Variants in ZNF704 observed in about 807,000 individuals in gnomAD.
ZNF704 encodes glucocorticoid induced gene 1.
Under a neutral mutation model 44.7 loss-of-function variants are expected in ZNF704, and 10 were observed. The observed-to-expected ratio is 0.22, with a 90% CI of 0.14 to 0.38. The LOEUF is 0.38. Ranked by LOEUF, ZNF704 falls within the 10% of genes least tolerant of loss-of-function variation. ZNF704 has a pLI of 1.00. For synonymous variants in ZNF704, 211 were observed against 207.6 expected (o/e 1.02, Z -0.14); for missense variants, 390 against 545.5 (o/e 0.71, Z 2.84).
In ZNF704 at chr8:80,659,790, A is replaced by C. The variant is rs1002424994; in HGVS notation, c.928-101T>G. Reference sequence around the variant, plus strand: ...GAGGACCTCAGAAATGGTCTCAGCTATATTAATAACTTGGACTAATTATCT... The same window carrying C: ...GAGGACCTCAGAAATGGTCTCAGCTCTATTAATAACTTGGACTAATTATCT... On this transcript the variant is annotated intron_variant, in intron 6 of 8. Coordinates refer to ENST00000327835, the MANE Select transcript of ZNF704 (RefSeq NM_001033723.3). 3.8e-4 allele frequency: 383 copies of C among 997,948 alleles called. 1 individual carries two copies. Among genetic ancestry groups the C allele is most frequent in the Non-Finnish European group, 4.8e-4 (312 of 655,000 alleles). 61.8% of individuals were successfully genotyped at this position (997,948 alleles called of 1,614,324 possible).
At chr8:80,862,907 C>T (rs1375800830) in intron 1 of ZNF704, among the ~76,000 whole-genome samples, 2 of 151,742 alleles carry the variant, frequency 1.3e-5, no homozygotes, top group African/African-American at 2.4e-5. Flanking sequence ...AGAGACCTTG[C>T]TGTCTTTCTA....
At chr8:80,800,579 A>G (rs1348154941) in intron 2 of ZNF704, among the ~76,000 whole-genome samples, 2 of 152,178 alleles carry the variant, frequency 1.3e-5, no homozygotes. Flanking sequence ...TAAGCAAAGG[A>G]GAAATAAGAT....
chr8:80,663,793 C>G (rs1028370509), intron 6 of ZNF704, among the ~76,000 whole-genome samples: 3 of 152,108 alleles, frequency 2.0e-5, no homozygotes, highest in Non-Finnish European at 2.9e-5. Context: ...GTGCCATGAT[C>G]ACAGCTCACT....
At chr8:80,825,302 A>G (rs190108628) in intron 1 of ZNF704, among the ~76,000 whole-genome samples, 14 of 152,326 alleles carry the variant, frequency 9.2e-5, no homozygotes, top group African/African-American at 9.6e-5. Flanking sequence ...CAGACTTTAA[A>G]CCAACAAAGA....
intron 1 of ZNF704, among the ~76,000 whole-genome samples, chr8:80,840,474 C>T (rs572544505): frequency 1.3e-5 from 2 of 152,248 alleles, no homozygotes; most frequent in African/African-American, 4.8e-5. Context: ...AAAATGACAA[C>T]AATAATAGTA....
At chr8:80,695,007 A>C (rs558691316) in intron 2 of ZNF704, among the ~76,000 whole-genome samples, 4 of 151,774 alleles carry the variant, frequency 2.6e-5, no homozygotes, top group East Asian at 1.9e-4. Context: ...GGCAAAAAAA[A>C]CTGTTCATTC....
At chr8:80,879,664 G>A (rs906800201), upstream of ZNF704, among the ~76,000 whole-genome samples, 1 of 152,030 alleles carries the variant, frequency 6.6e-6, no homozygotes, top group Non-Finnish European at 1.5e-5. Flanking sequence ...GCATTTTCTT[G>A]TTACCTTCTT....
At chr8:80,822,228 A>T (rs1430231397) in intron 1 of ZNF704, among the ~76,000 whole-genome samples, 3 of 151,930 alleles carry the variant, frequency 2.0e-5, no homozygotes, top group Admixed American at 6.5e-5. Context: ...CCGTTAACTC[A>T]TCATTTACAT....
intron 1 of ZNF704, among the ~76,000 whole-genome samples, chr8:80,848,463 A>G (rs555614125): frequency 6.6e-6 from 1 of 152,340 alleles, no homozygotes; most frequent in East Asian, 1.9e-4. Flanking sequence ...ACAAGATGTT[A>G]CCATTGAAAG....
rs1304498031 is a variant in ZNF704, at chr8:80,632,411, G to C, written c.*8955C>G. 1.3e-5 allele frequency: 2 copies of C among 152,136 alleles called. No homozygotes were observed. Among genetic ancestry groups the C allele is most frequent in the African/African-American group, 4.8e-5 (2 of 41,418 alleles). The allele number at this position is 152,136 out of a possible 1,614,324, so 9.4% of individuals were successfully genotyped here. A position where few individuals can be genotyped will look rare whatever the true frequency, so the allele number is the denominator to read the frequency against. On this transcript the variant is annotated 3_prime_UTR_variant, in exon 9 of 9. Coordinates refer to ENST00000327835, the MANE Select transcript of ZNF704 (RefSeq NM_001033723.3). ...TTCCTCTGTTGGCCAGGCTGGTCTT[G>C]AACTACTGACCTCAAGTGATCCATC...
At chr8:80,755,914 T>C (rs1483966607) in intron 2 of ZNF704, among the ~76,000 whole-genome samples, 3 of 151,796 alleles carry the variant, frequency 2.0e-5, no homozygotes, top group Non-Finnish European at 4.4e-5. Context: ...AGTACCAGCC[T>C]GGGCAACACT....
At chr8:80,819,233 C>T (rs879270782) in intron 2 of ZNF704, among the ~76,000 whole-genome samples, 5 of 152,102 alleles carry the variant, frequency 3.3e-5, no homozygotes, top group East Asian at 1.9e-4. Flanking sequence ...ATAACACTGG[C>T]GTGGGATCAT....
the ZNF704 span, among the ~76,000 whole-genome samples, chr8:80,882,882 G>A: frequency 1.3e-5 from 2 of 151,638 alleles, no homozygotes; most frequent in African/African-American, 4.8e-5. Flanking sequence ...TTGCTTACAT[G>A]CCTTTCTTTC....
rs574944342 is a variant in ZNF704, at chr8:80,740,956, G to A, written c.222-47849C>T. 2.1e-4 allele frequency among the ~76,000 whole-genome samples: 32 copies of A among 152,314 alleles called. 1 individual carries two copies. Among genetic ancestry groups the A allele is most frequent in the African/African-American group, 7.0e-4 (29 of 41,554 alleles). On this transcript the variant is annotated intron_variant, in intron 2 of 8. Transcript: ENST00000327835. ...CACCCAAGCGCTTTTAAACTTCCTT[G>A]CCACTTGTGGCTACAAGGTTTCCAA...
chr8:80,731,686 C>T (rs1205953283), intron 2 of ZNF704, among the ~76,000 whole-genome samples: 1 of 152,108 alleles, frequency 6.6e-6, no homozygotes, highest in Admixed American at 6.5e-5. Context: ...TTCTTGATCC[C>T]AGGAATCCAA....
At chr8:80,737,026 G>A (rs1322255336) in intron 2 of ZNF704, among the ~76,000 whole-genome samples, 2 of 151,880 alleles carry the variant, frequency 1.3e-5, no homozygotes, top group African/African-American at 4.8e-5. Context: ...GGGAGGACCA[G>A]AATATCAGGG....
At chr8:80,863,482 T>G (rs1014008853) in intron 1 of ZNF704, among the ~76,000 whole-genome samples, 2 of 152,206 alleles carry the variant, frequency 1.3e-5, no homozygotes, top group Admixed American at 6.5e-5. Context: ...TTTTCTGAAA[T>G]GTTTGACAAA....
At chr8:80,783,006 A>C (rs535457891) in intron 2 of ZNF704, among the ~76,000 whole-genome samples, 2 of 152,312 alleles carry the variant, frequency 1.3e-5, no homozygotes, top group East Asian at 3.9e-4. Flanking sequence ...CTGTACTTGG[A>C]AACCACAGAA....
At chr8:80,681,346 A>C (rs1412675781) in intron 4 of ZNF704, among the ~76,000 whole-genome samples, 1 of 152,250 alleles carries the variant, frequency 6.6e-6, no homozygotes. Flanking sequence ...ACCGGCAATA[A>C]ATGAGAGTTC....
Sources: allele counts gnomAD v4.1 joint callset (sites outside exome capture counted in the v4.1 genomes callset), GRCh38; gene constraint gnomAD v4.1.1; transcripts MANE v1.5; gene names NCBI Gene and HGNC (gene_info 2026-07-23, HGNC 2026-07-21).